Variants in SETD2 observed in about 807,000 individuals in gnomAD.
The protein encoded by SETD2 is histone-lysine N-methyltransferase SETD2.
A neutral mutation model predicts 242.1 loss-of-function variants in SETD2; 31 were observed. The ratio of observed to expected loss-of-function variants is 0.13; its 90% CI spans 0.10 to 0.17. The LOEUF is 0.17. Among genes scored for constraint, SETD2 ranks in the 10% least tolerant of loss-of-function variants. The pLI is 1.00. For missense variants in SETD2, 2,481 were observed against 3,046.3 expected, an observed-to-expected ratio of 0.81 and a Z score of 4.37; for synonymous variants, 1,006 against 1,066.5, an observed-to-expected ratio of 0.94 and a Z score of 1.11.
intron 11 of SETD2, among the ~76,000 whole-genome samples, chr3:47,085,769 ACTT>A (rs2107644305): frequency 6.6e-6 from 1 of 152,328 alleles, no homozygotes; most frequent in South Asian, 2.1e-4. Flanking sequence ...CTTTTAAAAC[ACTT>A]ATTTAAAAGA....
chr3:47,076,233 T>G (rs2041071226), intron 12 of SETD2, among the ~76,000 whole-genome samples: 1 of 152,208 alleles, frequency 6.6e-6, no homozygotes, highest in African/African-American at 2.4e-5. Flanking sequence ...GGAATGAATG[T>G]ATGTGTGTGA....
chr3:47,062,287 G>C lies in SETD2; in HGVS notation c.6169C>G (p.Pro2057Ala), dbSNP rs146911485. Residue 2057 changes from proline (P) to alanine (A), a missense_variant, in exon 14 of 21, where the codon CCT (proline) becomes GCT (alanine). Pro to Ala is a conservative substitution (Grantham distance 27). Coordinates refer to ENST00000409792, the MANE Select transcript of SETD2 (RefSeq NM_014159.7). ...GGGTCTCTCTCTCTTGACCTATTAG[G>C]AGTCTTCGGGGCAGGTGTTTGATCT... Reference protein sequence around the residue: ...FRDQTPAPKTPNRSRERDPDK... With the variant: ...FRDQTPAPKTANRSRERDPDK... 1 of 1,613,740 alleles carries C rather than the reference G, an allele frequency of 6.2e-7. No homozygotes were observed. The highest frequency in any genetic ancestry group is 2.2e-5 in the East Asian group (1 of 44,864).
intron 1 of SETD2, among the ~76,000 whole-genome samples, chr3:47,158,341 C>T (rs758630402): frequency 6.6e-6 from 1 of 152,066 alleles, no homozygotes; most frequent in Non-Finnish European, 1.5e-5. Context: ...TGGAACTGTC[C>T]AGGTCCACTT....
chr3:47,067,609 T>C (rs1391291549), intron 12 of SETD2, among the ~76,000 whole-genome samples: 2 of 151,944 alleles, frequency 1.3e-5, no homozygotes, highest in Admixed American at 1.3e-4. Flanking sequence ...GAGATGGGGT[T>C]TTATCACATT....
chr3:47,096,885 A>G (rs2042030926), intron 9 of SETD2, among the ~76,000 whole-genome samples: 1 of 152,208 alleles, frequency 6.6e-6, no homozygotes, highest in Non-Finnish European at 1.5e-5. Flanking sequence ...TTTGTTATAT[A>G]AACTGTCCTT....
chr3:47,130,584 T>A (rs915131282), intron 1 of SETD2, among the ~76,000 whole-genome samples: 4 of 152,004 alleles, frequency 2.6e-5, no homozygotes, highest in Admixed American at 6.6e-5. Flanking sequence ...GTAAATAATA[T>A]CAAGAGCAAA....
At chr3:47,111,628 AGAG>A (rs1475505321) in intron 5 of SETD2, among the ~76,000 whole-genome samples, 2 of 152,138 alleles carry the variant, frequency 1.3e-5, no homozygotes, top group South Asian at 2.1e-4. Flanking sequence ...TACAAAACTT[AGAG>A]GAGAAGAGAA....
At chr3:47,145,605 C>T in intron 1 of SETD2, 1 of 325,696 alleles carries the variant, frequency 3.1e-6, no homozygotes, top group Non-Finnish European at 6.4e-6. Context: ...GTAAAATTTC[C>T]CACTGTGGCA....
chr3:47,096,464 T>G (rs527500380), intron 9 of SETD2, among the ~76,000 whole-genome samples: 2 of 151,702 alleles, frequency 1.3e-5, no homozygotes, highest in South Asian at 4.2e-4. Flanking sequence ...CCCAGCACTT[T>G]GGGAGGCCAA....
At chr3:47,115,058 C>T (rs1376489285) in intron 4 of SETD2, among the ~76,000 whole-genome samples, 3 of 152,020 alleles carry the variant, frequency 2.0e-5, no homozygotes, top group Non-Finnish European at 2.9e-5. Flanking sequence ...AAGGCAGAAT[C>T]TCTAATGATA....
intron 12 of SETD2, among the ~76,000 whole-genome samples, chr3:47,079,755 A>T (rs1419977393): frequency 1.3e-5 from 2 of 152,196 alleles, no homozygotes; most frequent in Non-Finnish European, 1.5e-5. Flanking sequence ...TTCAAAGAAA[A>T]TTTTATTTAC....
chr3:47,045,685 TAAA>T (rs562529886), intron 16 of SETD2, among the ~76,000 whole-genome samples: 2 of 133,248 alleles, frequency 1.5e-5, no homozygotes, highest in African/African-American at 5.6e-5. Flanking sequence ...GTGACAGAGT[TAAA>T]AAAAAAAAAA....
chr3:47,058,140 A>T (rs1055508554), intron 14 of SETD2, among the ~76,000 whole-genome samples: 1 of 152,216 alleles, frequency 6.6e-6, no homozygotes, highest in Non-Finnish European at 1.5e-5. Flanking sequence ...AAATAGAGTC[A>T]GAATGTTGAG....
intron 1 of SETD2, among the ~76,000 whole-genome samples, chr3:47,131,469 G>A (rs1201804867): frequency 6.6e-6 from 1 of 151,676 alleles, no homozygotes; most frequent in South Asian, 2.1e-4. Context: ...TCAGCCTCCC[G>A]AGTAGCTGGG....
At chr3:47,132,420 G>T (rs2043500403) in intron 1 of SETD2, among the ~76,000 whole-genome samples, 1 of 152,124 alleles carries the variant, frequency 6.6e-6, no homozygotes. Context: ...CCAGGAGGTG[G>T]AAGTTACAGT....
intron 1 of SETD2, among the ~76,000 whole-genome samples, chr3:47,133,147 G>A (rs1470313216): frequency 6.6e-6 from 1 of 152,108 alleles, no homozygotes; most frequent in African/African-American, 2.4e-5. Context: ...CAAAACAAAT[G>A]TGGTAAAATG....
intron 14 of SETD2, among the ~76,000 whole-genome samples, chr3:47,060,917 A>C (rs190891016): frequency 5.4e-4 from 83 of 152,324 alleles, no homozygotes; most frequent in Non-Finnish European, 1.0e-3. Context: ...TGAATGAACA[A>C]CACATATAAG....
chr3:47,030,389 G>A (rs1014180899), intron 18 of SETD2, among the ~76,000 whole-genome samples: 3 of 152,108 alleles, frequency 2.0e-5, no homozygotes, highest in African/African-American at 7.2e-5. Context: ...GCAAACTGAA[G>A]CACAGGGAGA....
chr3:47,119,638 T>A (rs2042993160), intron 3 of SETD2: 2 of 330,168 alleles, frequency 6.1e-6, no homozygotes, highest in Non-Finnish European at 1.2e-5. Flanking sequence ...AAGAAGTGCC[T>A]TTTGCCTCCT....
Sources: allele counts gnomAD v4.1 joint callset (sites outside exome capture counted in the v4.1 genomes callset), GRCh38; gene constraint gnomAD v4.1.1; transcripts MANE v1.5; gene names NCBI Gene and HGNC (gene_info 2026-07-23, HGNC 2026-07-21).